Variants in GLI2 observed in about 807,000 individuals in gnomAD.
GLI2 encodes the protein GLI family zinc finger 2.
Under a neutral mutation model 78.9 loss-of-function variants are expected in GLI2, and 22 were observed. That is an observed-to-expected ratio of 0.28 (90% confidence interval 0.20 to 0.40). The LOEUF is 0.40. Among genes scored for constraint, GLI2 ranks in the 10% least tolerant of loss-of-function variants. The pLI is 1.00. For synonymous variants in GLI2, 974 were observed against 963.7 expected (o/e 1.01, Z -0.20); for missense variants, 2,097 against 2,213.2 (o/e 0.95, Z 1.05).
At chr2:120,921,247 C>T (rs1385006080) in intron 2 of GLI2, among the ~76,000 whole-genome samples, 2 of 149,134 alleles carry the variant, frequency 1.3e-5, no homozygotes, top group East Asian at 1.9e-4. Context: ...TGTGTGTGCA[C>T]GTGTGTGCAT....
chr2:120,923,743 T>C (rs1282638954), intron 2 of GLI2, among the ~76,000 whole-genome samples: 2 of 151,724 alleles, frequency 1.3e-5, no homozygotes, highest in Non-Finnish European at 2.9e-5. Context: ...ACTACACACA[T>C]ACACGCACTG....
chr2:120,783,907 G>C (rs1683918923), intron 1 of GLI2, among the ~76,000 whole-genome samples: 1 of 152,200 alleles, frequency 6.6e-6, no homozygotes, highest in Non-Finnish European at 1.5e-5. Flanking sequence ...ATTTCAGGTG[G>C]GGAGTCAGAG....
At chr2:120,978,682 T>C in intron 10 of GLI2, 99 bp downstream of exon 10, 1 of 1,331,876 alleles carries the variant, frequency 7.5e-7, no homozygotes, top group Non-Finnish European at 1.0e-6. Context: ...CAGGCACACC[T>C]GGGTGGGGCA....
At chr2:120,977,862 A>G (rs909511703) in intron 9 of GLI2, among the ~76,000 whole-genome samples, 2 of 152,254 alleles carry the variant, frequency 1.3e-5, no homozygotes, top group Non-Finnish European at 2.9e-5. Flanking sequence ...GAAAGGGGAC[A>G]AAGCCATTAT....
chr2:120,954,200 G>T (rs1024454961), intron 4 of GLI2, among the ~76,000 whole-genome samples: 1 of 152,190 alleles, frequency 6.6e-6, no homozygotes, highest in Non-Finnish European at 1.5e-5. Flanking sequence ...GCCATGTGAG[G>T]TTAGGAAGCT....
At position 120,992,123 on chromosome 2, in the gene GLI2, G is replaced by A. The variant is rs541054154; in HGVS notation, c.*1448G>A. Reference sequence around the variant, plus strand: ...CCACTCAGAGTGTGACTCTGACTGTGACCTTGGCCTTAATGAGGAACTTCT... The same window carrying A: ...CCACTCAGAGTGTGACTCTGACTGTAACCTTGGCCTTAATGAGGAACTTCT... On this transcript the variant is annotated 3_prime_UTR_variant, in exon 14 of 14. Transcript: ENST00000361492. 6.6e-6 allele frequency: 1 copy of A among 152,546 alleles called. No individual in the cohort carries two copies. The highest frequency in any genetic ancestry group is 2.4e-5 in the African/African-American group (1 of 41,466). 9.4% of individuals were successfully genotyped at this position (152,546 alleles called of 1,614,324 possible).
At chr2:120,802,495 C>A (rs1684751030) in intron 2 of GLI2, among the ~76,000 whole-genome samples, 2 of 152,204 alleles carry the variant, frequency 1.3e-5, no homozygotes, top group South Asian at 4.1e-4. Flanking sequence ...CCTCCTTTAA[C>A]TTCTAAAATG....
chr2:120,822,703 T>C (rs1408841860), intron 2 of GLI2, among the ~76,000 whole-genome samples: 1 of 152,210 alleles, frequency 6.6e-6, no homozygotes, highest in East Asian at 1.9e-4. Context: ...TTTCCAGTTC[T>C]TTCTTTCCAT....
At chr2:120,909,147 T>A (rs997607904) in intron 2 of GLI2, among the ~76,000 whole-genome samples, 9 of 152,236 alleles carry the variant, frequency 5.9e-5, no homozygotes, top group Admixed American at 3.3e-4. Context: ...TGGGAATAAA[T>A]GCACCCTCCG....
chr2:120,787,486 G>A (rs561201417), intron 1 of GLI2, among the ~76,000 whole-genome samples: 4 of 152,154 alleles, frequency 2.6e-5, no homozygotes, highest in Non-Finnish European at 4.4e-5. Flanking sequence ...TGTGGCTCCC[G>A]TGTGCCAGGC....
intron 2 of GLI2, among the ~76,000 whole-genome samples, chr2:120,799,403 A>G (rs1315604320): frequency 1.3e-5 from 2 of 152,208 alleles, no homozygotes; most frequent in African/African-American, 4.8e-5. Flanking sequence ...GCTTCAGAGC[A>G]GTCTTGGGCC....
In GLI2 at chr2:120,970,554, C is replaced by T; in HGVS notation, c.1007C>T (p.Ala336Val). Residue 336 changes from alanine (A) to valine (V), a missense_variant, in exon 7 of 14, where the codon GCC (alanine) becomes GTC (valine). Ala to Val is a moderately conservative substitution (Grantham distance 64). This residue lies in a region of GLI2 where 578 missense variants were observed against 612.0 expected (regional missense o/e 0.94). Coordinates refer to ENST00000361492, the MANE Select transcript of GLI2 (RefSeq NM_001374353.1). ...CCCATGGCCCTCACCTCCATCAATG[C>T]CACGCCCACCCAGCTCAGCAGCAGC... ...QQPMALTSIN[A>V]TPTQLSSSSN... is the part of the protein sequence containing the mutation. 1 of 1,614,186 alleles carries T rather than the reference C, an allele frequency of 6.2e-7. No homozygotes were observed. Among genetic ancestry groups the T allele is most frequent in the South Asian group, 1.1e-5 (1 of 91,084 alleles).
intron 2 of GLI2, among the ~76,000 whole-genome samples, chr2:120,914,119 A>C (rs1451418358): frequency 6.6e-6 from 1 of 152,252 alleles, no homozygotes; most frequent in Non-Finnish European, 1.5e-5. Flanking sequence ...GAAAGGGAGA[A>C]TCACCTGCGA....
At chr2:120,766,669 G>GAAGA (rs1683376010) in intron 1 of GLI2, among the ~76,000 whole-genome samples, 1 of 152,204 alleles carries the variant, frequency 6.6e-6, no homozygotes, top group Non-Finnish European at 1.5e-5. Flanking sequence ...TTCTGTTTAA[G>GAAGA]GTCTTTATGC....
chr2:120,951,489 G>A (rs1237975171), intron 4 of GLI2, 44 bp downstream of exon 4: 1 of 1,310,980 alleles, frequency 7.6e-7, no homozygotes, highest in South Asian at 1.2e-5. Context: ...AGGGCACTGG[G>A]GCAGGGCGCA....
At chr2:120,869,125 G>C (rs1200084188) in intron 2 of GLI2, among the ~76,000 whole-genome samples, 2 of 113,990 alleles carry the variant, frequency 1.8e-5, no homozygotes, top group African/African-American at 5.6e-5. Flanking sequence ...GGAGGTCACA[G>C]AGGAGACCAT....
At chr2:120,915,799 GC>G (rs1398900564) in intron 2 of GLI2, among the ~76,000 whole-genome samples, 2 of 152,140 alleles carry the variant, frequency 1.3e-5, no homozygotes, top group African/African-American at 2.4e-5. Context: ...CCATCGAAAA[GC>G]ACAGACCCCT....
intron 5 of GLI2, among the ~76,000 whole-genome samples, chr2:120,967,846 C>T (rs1040611689): frequency 6.6e-6 from 1 of 152,252 alleles, no homozygotes; most frequent in African/African-American, 2.4e-5. Flanking sequence ...GTCAGGATGC[C>T]TCTCGCTGCC....
intron 2 of GLI2, among the ~76,000 whole-genome samples, chr2:120,886,539 T>C (rs1025237216): frequency 2.0e-5 from 3 of 152,094 alleles, no homozygotes; most frequent in Admixed American, 2.0e-4. Flanking sequence ...AGTGCTGGGA[T>C]TACAGGCATG....
Sources: allele counts gnomAD v4.1 joint callset (sites outside exome capture counted in the v4.1 genomes callset), GRCh38; gene constraint gnomAD v4.1.1; regional missense constraint gnomAD v4.1.1; transcripts MANE v1.5; gene names NCBI Gene and HGNC (gene_info 2026-07-23, HGNC 2026-07-21).